ZFPM2: variants seen among roughly 807,000 people sequenced by gnomAD.
ZFPM2 encodes zinc finger protein ZFPM2.
A neutral mutation model predicts 98.6 loss-of-function variants in ZFPM2; 20 were observed. The ratio of observed to expected loss-of-function variants is 0.20; its 90% CI spans 0.14 to 0.29. The LOEUF (loss-of-function observed/expected upper bound fraction) is 0.29. Among genes scored for constraint, ZFPM2 ranks in the 10% least tolerant of loss-of-function variants. The pLI is 1.00. For missense variants in ZFPM2, 1,310 were observed against 1,388.6 expected (o/e 0.94, Z 0.90); for synonymous variants, 518 against 502.7 (o/e 1.03, Z -0.41).
intron 5 of ZFPM2, among the ~76,000 whole-genome samples, chr8:105,670,712 G>A (rs907972560): frequency 6.6e-6 from 1 of 152,108 alleles, no homozygotes; most frequent in African/African-American, 2.4e-5. Context: ...CATATTGCTT[G>A]CTTTCACTAA....
intron 3 of ZFPM2, among the ~76,000 whole-genome samples, chr8:105,481,021 A>T (rs9297362): frequency 0.47 from 71,386 of 151,924 alleles, 17,325 homozygotes; most frequent in East Asian, 0.63. Context: ...AAGTGCTGGG[A>T]TTACAGGCGT....
intron 3 of ZFPM2, among the ~76,000 whole-genome samples, chr8:105,498,437 C>G (rs951288187): frequency 1.1e-4 from 16 of 152,112 alleles, no homozygotes; most frequent in African/African-American, 3.9e-4. Context: ...GTGCTATTTC[C>G]TCTAAGAAGG....
In ZFPM2 at chr8:105,566,682, T is replaced by C. The variant is rs143945798; in HGVS notation, c.420+5201T>C. ...GTTTGCCCTCTCTTGCTTTTAAATA[T>C]TATCAACTGTTGATAGCTAACTATT... On this transcript the variant is annotated intron_variant, in intron 4 of 7. Coordinates refer to ENST00000407775, the MANE Select transcript of ZFPM2 (RefSeq NM_012082.4). 1.3e-3 allele frequency among the ~76,000 whole-genome samples: 201 copies of C among 152,284 alleles called. 2 individuals are homozygous for C. Among genetic ancestry groups the C allele is most frequent in the African/African-American group, 4.7e-3 (196 of 41,570 alleles).
chr8:105,404,286 G>A (rs529662923), intron 1 of ZFPM2, among the ~76,000 whole-genome samples: 1 of 152,098 alleles, frequency 6.6e-6, no homozygotes, highest in South Asian at 2.1e-4. Context: ...GAAGTGTACC[G>A]CTATATATTG....
At chr8:105,587,812 G>T (rs903954089) in intron 4 of ZFPM2, among the ~76,000 whole-genome samples, 6 of 152,094 alleles carry the variant, frequency 3.9e-5, no homozygotes, top group Non-Finnish European at 8.8e-5. Context: ...TGCATTGTAG[G>T]ATGTCTAGTG....
chr8:105,494,213 A>ATATC (rs1383362072), intron 3 of ZFPM2, among the ~76,000 whole-genome samples: 3 of 134,476 alleles, frequency 2.2e-5, no homozygotes, highest in Non-Finnish European at 4.7e-5. Context: ...ATATATATAT[A>ATATC]TATATATATA....
At chr8:105,423,543 C>G (rs1256772421) in intron 2 of ZFPM2, among the ~76,000 whole-genome samples, 1 of 152,104 alleles carries the variant, frequency 6.6e-6, no homozygotes, top group Non-Finnish European at 1.5e-5. Context: ...AGAAAACAAG[C>G]AAAATTATTT....
chr8:105,637,841 C>CAAGTG (rs1278076623), intron 5 of ZFPM2, among the ~76,000 whole-genome samples: 1 of 152,124 alleles, frequency 6.6e-6, no homozygotes, highest in Non-Finnish European at 1.5e-5. Context: ...CAAGTGTTAA[C>CAAGTG]TTGAAACTCC....
intron 2 of ZFPM2, among the ~76,000 whole-genome samples, chr8:105,431,049 G>GC (rs985119272): frequency 9.9e-5 from 15 of 151,788 alleles, no homozygotes; most frequent in African/African-American, 3.1e-4. Flanking sequence ...GACTACAGGC[G>GC]CCCCCCACCA....
At chr8:105,746,654 A>ATTTTTTTTTTTTTTTTTTTTT (rs1563546914) in intron 5 of ZFPM2, among the ~76,000 whole-genome samples, 2 of 112,052 alleles carry the variant, frequency 1.8e-5, no homozygotes, top group Non-Finnish European at 3.7e-5. Context: ...TGTTTTTAAA[A>ATTTTTTTTTTTTTTTTTTTTT]ATTTTTTTTT....
At chr8:105,520,787 A>G (rs1330078821) in intron 3 of ZFPM2, among the ~76,000 whole-genome samples, 1 of 150,280 alleles carries the variant, frequency 6.7e-6, no homozygotes, top group Non-Finnish European at 1.5e-5. Flanking sequence ...TGATAGAGAG[A>G]TATTTTGTTA....
intron 2 of ZFPM2, among the ~76,000 whole-genome samples, chr8:105,427,564 A>G (rs1229555861): frequency 6.6e-6 from 1 of 152,194 alleles, no homozygotes; most frequent in African/African-American, 2.4e-5. Context: ...TGTTTTCATT[A>G]TCATTTGAGA....
At position 105,337,415 on chromosome 8, in the gene ZFPM2, A is replaced by G. The variant is rs1182703540; in HGVS notation, c.40+18434A>G. On this transcript the variant is annotated intron_variant, in intron 1 of 7. Coordinates refer to ENST00000407775, the MANE Select transcript of ZFPM2 (RefSeq NM_012082.4). Reference sequence around the variant, plus strand: ...TCTCTAGAAACCCTCTTAAAGAAACATTTTCTTTATCCTAGTTCACACTTT... The same window carrying G: ...TCTCTAGAAACCCTCTTAAAGAAACGTTTTCTTTATCCTAGTTCACACTTT... Among the ~76,000 whole-genome samples, 12 of 151,772 alleles carry G rather than the reference A, an allele frequency of 7.9e-5. No individual in the cohort carries two copies. The East Asian group carries it at 1.2e-3, about 15-fold the overall frequency.
intron 1 of ZFPM2, among the ~76,000 whole-genome samples, chr8:105,406,090 G>C (rs931854459): frequency 2.0e-5 from 3 of 152,136 alleles, no homozygotes; most frequent in African/African-American, 2.4e-5. Flanking sequence ...TTTGAGAAGT[G>C]TCTGTTCATA....
chr8:105,522,756 A>AG (rs1391976034), intron 3 of ZFPM2, among the ~76,000 whole-genome samples: 8 of 152,124 alleles, frequency 5.3e-5, no homozygotes, highest in African/African-American at 1.9e-4. Flanking sequence ...CTTTCAAAAA[A>AG]AAAAAGAATA....
chr8:105,611,700 A>ATTT (rs567136494), intron 4 of ZFPM2, among the ~76,000 whole-genome samples: 1 of 143,554 alleles, frequency 7.0e-6, no homozygotes, highest in Non-Finnish European at 1.5e-5. Context: ...ACAAAAAAAA[A>ATTT]TTTTTTTTTT....
At chr8:105,622,000 A>C (rs529490481) in intron 4 of ZFPM2, among the ~76,000 whole-genome samples, 1 of 152,280 alleles carries the variant, frequency 6.6e-6, no homozygotes, top group East Asian at 1.9e-4. Context: ...GAATAACCTA[A>C]ATAACACTTT....
chr8:105,621,274 A>G (rs1188223479), intron 4 of ZFPM2, among the ~76,000 whole-genome samples: 2 of 152,052 alleles, frequency 1.3e-5, no homozygotes, highest in Non-Finnish European at 1.5e-5. Flanking sequence ...TAGGTATTTT[A>G]TTCTCTTTGA....
At chr8:105,470,004 C>G (rs1812872380) in intron 3 of ZFPM2, among the ~76,000 whole-genome samples, 2 of 152,102 alleles carry the variant, frequency 1.3e-5, no homozygotes, top group African/African-American at 2.4e-5. Context: ...AAAATATTAG[C>G]CATTGTTATG....
Sources: allele counts gnomAD v4.1 joint callset (sites outside exome capture counted in the v4.1 genomes callset), GRCh38; gene constraint gnomAD v4.1.1; transcripts MANE v1.5; gene names NCBI Gene and HGNC (gene_info 2026-07-23, HGNC 2026-07-21).